Variants in SPTLC2 observed in about 807,000 individuals in gnomAD.
SPTLC2 encodes the protein serine palmitoyltransferase 2.
A neutral mutation model predicts 62.0 loss-of-function variants in SPTLC2; 21 were observed. The observed-to-expected ratio is 0.34, with a 90% CI of 0.24 to 0.49. SPTLC2 has a LOEUF of 0.49. Among genes scored for constraint, SPTLC2 ranks in the 20% least tolerant of loss-of-function variants. The pLI is 0.99. For missense variants in SPTLC2, 511 were observed against 713.0 expected, an observed-to-expected ratio of 0.72 and a Z score of 3.23; for synonymous variants, 261 against 261.8, an observed-to-expected ratio of 1.00 and a Z score of 0.03.
chr14:77,557,157 C>G lies in SPTLC2; in HGVS notation c.851-11G>C. 6.2e-7 allele frequency: 1 copy of G among 1,600,716 alleles called. No homozygotes were observed. The highest frequency in any genetic ancestry group is 8.5e-7 in the Non-Finnish European group (1 of 1,169,958). ...CTAGGCTTTGCATATCTACAGAGCA[C>G]AAAAAAGAACAGTTATACCGCATCT... On this transcript the variant is annotated splice_polypyrimidine_tract_variant and intron_variant, in intron 6 of 11. Coordinates refer to ENST00000216484, the MANE Select transcript of SPTLC2 (RefSeq NM_004863.4).
At chr14:77,521,731 A>G (rs2079385900) in intron 9 of SPTLC2, 150 bp from the exon 10 acceptor site, 1 of 716,538 alleles carries the variant, frequency 1.4e-6, no homozygotes, top group South Asian at 1.6e-5. Context: ...AGTAAACCAT[A>G]TGGAATATAA....
rs1268727558 is a variant in SPTLC2 at position 77,510,147 on chromosome 14, CCTT to C, written c.*2134_*2136del. On this transcript the variant is annotated 3_prime_UTR_variant, in exon 12 of 12. Transcript: ENST00000216484. ...GACTCCTATTTAGTTACCACAACCT[CCTT>C]CTTACTTTAACCTATACATGCTAAA... The C allele has an allele frequency of 1.0e-5, 4 of 390,154 alleles. No individual in the cohort carries two copies. The highest frequency in any genetic ancestry group is 1.8e-5 in the Non-Finnish European group (4 of 221,530). 24.2% of individuals were successfully genotyped at this position (390,154 alleles called of 1,614,324 possible).
At chr14:77,550,443 G>A (rs993071045) in intron 9 of SPTLC2, among the ~76,000 whole-genome samples, 1 of 151,710 alleles carries the variant, frequency 6.6e-6, no homozygotes, top group Non-Finnish European at 1.5e-5. Flanking sequence ...GTGTGGTGGC[G>A]CATGCCTGTA....
At chr14:77,537,590 A>C (rs181777515) in intron 9 of SPTLC2, among the ~76,000 whole-genome samples, 35 of 152,360 alleles carry the variant, frequency 2.3e-4, no homozygotes, top group African/African-American at 7.7e-4. Context: ...CTATATAGTC[A>C]ATTACATTAA....
chr14:77,544,206 C>T (rs1333753104), intron 9 of SPTLC2, among the ~76,000 whole-genome samples: 1 of 152,114 alleles, frequency 6.6e-6, no homozygotes, highest in African/African-American at 2.4e-5. Flanking sequence ...CAGAGGCTCA[C>T]ACTATGTCAC....
intron 9 of SPTLC2, among the ~76,000 whole-genome samples, chr14:77,549,308 G>A (rs1192431578): frequency 3.3e-5 from 5 of 151,878 alleles, no homozygotes; most frequent in South Asian, 2.1e-4. Context: ...CCTTCAATCC[G>A]GGATGGCCTT....
chr14:77,523,860 A>T (rs769589736), intron 9 of SPTLC2, among the ~76,000 whole-genome samples: 8 of 152,194 alleles, frequency 5.3e-5, no homozygotes, highest in Non-Finnish European at 7.3e-5. Context: ...CTAAAGGAAA[A>T]CAACAAGATA....
chr14:77,518,749 G>A (rs1272336306), intron 10 of SPTLC2, among the ~76,000 whole-genome samples: 1 of 152,216 alleles, frequency 6.6e-6, no homozygotes, highest in Non-Finnish European at 1.5e-5. Flanking sequence ...TGGGGGATCT[G>A]CTGTAACACG....
chr14:77,575,787 C>T (rs751109410), intron 4 of SPTLC2, among the ~76,000 whole-genome samples: 1 of 152,230 alleles, frequency 6.6e-6, no homozygotes, highest in African/African-American at 2.4e-5. Context: ...CCTATCTTGG[C>T]CTCACAAAGT....
chr14:77,597,076 G>T, intron 2 of SPTLC2, 110 bp downstream of exon 2: 3 of 1,078,360 alleles, frequency 2.8e-6, no homozygotes, highest in Non-Finnish European at 4.1e-6. Flanking sequence ...ATCTGGAATA[G>T]TTTAATTTTA....
intron 9 of SPTLC2, among the ~76,000 whole-genome samples, chr14:77,523,609 G>A (rs1296010491): frequency 6.6e-6 from 1 of 152,144 alleles, no homozygotes; most frequent in East Asian, 1.9e-4. Context: ...GAAAGCAATA[G>A]GCCAAACAAT....
At chr14:77,599,989 C>T (rs2140058426) in intron 1 of SPTLC2, among the ~76,000 whole-genome samples, 1 of 152,306 alleles carries the variant, frequency 6.6e-6, no homozygotes, top group African/African-American at 2.4e-5. Context: ...TTACTCTCAA[C>T]TGTACACATC....
intron 5 of SPTLC2, among the ~76,000 whole-genome samples, chr14:77,562,788 C>A (rs1211243767): frequency 6.6e-6 from 1 of 152,142 alleles, no homozygotes; most frequent in African/African-American, 2.4e-5. Flanking sequence ...CATGACACAT[C>A]CGTCTCTAAA....
Position 77,509,186 on chromosome 14 carries a change from T to TAC in SPTLC2, c.*3096_*3097dup, listed in dbSNP as rs2079320104. On this transcript the variant is annotated 3_prime_UTR_variant, in exon 12 of 12. Coordinates refer to ENST00000216484, the MANE Select transcript of SPTLC2 (RefSeq NM_004863.4). The stretch of plus-strand genomic sequence containing the variant: ...CTGGATTCTTCAAACAAATAAGCAG[T>TAC]ACTTTGGGGGTTATGGAGACTAGAA... 1 of 152,154 alleles carries TAC rather than the reference T, an allele frequency of 6.6e-6. No homozygotes were observed. Among genetic ancestry groups the TAC allele is most frequent in the Admixed American group, 6.5e-5 (1 of 15,270 alleles). 9.4% of individuals were successfully genotyped at this position (152,154 alleles called of 1,614,324 possible).
chr14:77,570,848 AGCT>A lies in SPTLC2; in HGVS notation c.632-343_632-341del, dbSNP rs2079678022. Among the ~76,000 whole-genome samples the A allele has an allele frequency of 1.1e-4, 17 of 152,134 alleles. No individual in the cohort carries two copies. The South Asian group carries it at 3.3e-3, about 30-fold the overall frequency. ...AATCTGCTTTTACACTTTTGAAGTC[AGCT>A]GCTATGTAAAACAATCTAACTGGCC... is the stretch of plus-strand genomic sequence containing the variant. On this transcript the variant is annotated intron_variant, in intron 4 of 11. Coordinates refer to ENST00000216484, the MANE Select transcript of SPTLC2 (RefSeq NM_004863.4).
At chr14:77,599,140 G>A (rs999589879) in intron 1 of SPTLC2, among the ~76,000 whole-genome samples, 4 of 152,110 alleles carry the variant, frequency 2.6e-5, no homozygotes, top group Admixed American at 2.0e-4. Flanking sequence ...TGATCTCATA[G>A]ATGAAAACTT....
chr14:77,601,389 C>A (rs185591498), intron 1 of SPTLC2, among the ~76,000 whole-genome samples: 3 of 152,282 alleles, frequency 2.0e-5, no homozygotes, highest in Admixed American at 2.0e-4. Context: ...GAGATCCACC[C>A]GCTGCCTGCA....
chr14:77,601,026 C>T (rs199571502), intron 1 of SPTLC2, among the ~76,000 whole-genome samples: 4 of 152,144 alleles, frequency 2.6e-5, no homozygotes, highest in African/African-American at 7.2e-5. Flanking sequence ...AAAATTGTCT[C>T]GAAGGAGACA....
chr14:77,604,307 C>T (rs1265698631), intron 1 of SPTLC2, among the ~76,000 whole-genome samples: 2 of 152,186 alleles, frequency 1.3e-5, no homozygotes, highest in African/African-American at 4.8e-5. Context: ...ACTCCTGCCA[C>T]TGAGGTCCCA....
Sources: gnomAD v4.1 joint callset for allele counts (sites outside exome capture counted in the v4.1 genomes callset) on GRCh38, gnomAD v4.1.1 for gene constraint, MANE v1.5 for transcripts, NCBI Gene and HGNC (gene_info 2026-07-23, HGNC 2026-07-21) for gene names.